Variants in ROBO2 observed in about 807,000 individuals in gnomAD.
ROBO2 encodes the protein roundabout homolog 2.
In ROBO2, 53 loss-of-function variants were observed where a neutral mutation model predicts 160.8. The observed-to-expected ratio is 0.33, with a 90% confidence interval of 0.26 to 0.41. The LOEUF is 0.41. ROBO2 is among the 10% of genes least tolerant of loss of function. The probability of loss-of-function intolerance (pLI) is 1.00; values close to 1 mark genes in which losing one functional copy is unlikely to be tolerated. For missense variants in ROBO2, 1,577 were observed against 1,722.4 expected (o/e 0.92, Z 1.49); for synonymous variants, 664 against 611.7 (o/e 1.09, Z -1.26).
intron 2 of ROBO2, among the ~76,000 whole-genome samples, chr3:76,546,093 G>A (rs568159576): frequency 9.3e-4 from 141 of 151,854 alleles, no homozygotes; most frequent in African/African-American, 3.4e-3. Flanking sequence ...GTATATAGAA[G>A]TTCCTTGGTA....
At chr3:76,377,836 A>G (rs976190300) in intron 2 of ROBO2, among the ~76,000 whole-genome samples, 14 of 152,146 alleles carry the variant, frequency 9.2e-5, no homozygotes, top group African/African-American at 2.9e-4. Flanking sequence ...TCCAAGAATC[A>G]TTGATAACCA....
chr3:76,627,157 C>T (rs774169012), intron 2 of ROBO2, among the ~76,000 whole-genome samples: 12 of 152,168 alleles, frequency 7.9e-5, no homozygotes, highest in Non-Finnish European at 1.5e-4. Context: ...CATAGATAAG[C>T]ACAGTTTGGT....
chr3:75,974,902 G>A (rs2065094943), intron 2 of ROBO2, among the ~76,000 whole-genome samples: 1 of 151,462 alleles, frequency 6.6e-6, no homozygotes, highest in Non-Finnish European at 1.5e-5. Context: ...AGAGATGTGT[G>A]TTTATACAGA....
intron 2 of ROBO2, among the ~76,000 whole-genome samples, chr3:76,958,342 C>T (rs1157941204): frequency 6.6e-6 from 1 of 152,170 alleles, no homozygotes; most frequent in Admixed American, 6.5e-5. Context: ...GAAATAAAAA[C>T]AGAACAGCCC....
intron 2 of ROBO2, among the ~76,000 whole-genome samples, chr3:76,503,610 A>G (rs2080604137): frequency 6.6e-6 from 1 of 152,244 alleles, no homozygotes; most frequent in African/African-American, 2.4e-5. Context: ...CCAATGGAGT[A>G]CTAGTCAGCC....
At chr3:76,259,711 A>AG (rs756663201) in intron 2 of ROBO2, among the ~76,000 whole-genome samples, 4 of 152,118 alleles carry the variant, frequency 2.6e-5, no homozygotes, top group Non-Finnish European at 5.9e-5. Context: ...TGGTTTCCTA[A>AG]GCTTTGGGCT....
chr3:76,647,644 T>C (rs996484363), intron 2 of ROBO2, among the ~76,000 whole-genome samples: 11 of 152,172 alleles, frequency 7.2e-5, no homozygotes, highest in African/African-American at 2.7e-4. Flanking sequence ...GCGGACTTAA[T>C]GGCTGTAATT....
intron 2 of ROBO2, among the ~76,000 whole-genome samples, chr3:76,167,148 C>T (rs2072867880): frequency 6.6e-6 from 1 of 152,050 alleles, no homozygotes; most frequent in African/African-American, 2.4e-5. Flanking sequence ...ACCATGTTGA[C>T]CAGGCTGATC....
intron 23 of ROBO2, chr3:77,632,885 G>A (rs1583413655): frequency 8.3e-6 from 3 of 360,338 alleles, no homozygotes; most frequent in Admixed American, 4.5e-5. Context: ...TTCTCTTCAC[G>A]GCTTTACTGA....
At chr3:76,230,089 C>T (rs2107464725) in intron 2 of ROBO2, among the ~76,000 whole-genome samples, 1 of 152,188 alleles carries the variant, frequency 6.6e-6, no homozygotes. Context: ...AAAATGATGC[C>T]ATCAGGTGTC....
chr3:76,195,783 T>C (rs1173525175), intron 2 of ROBO2, among the ~76,000 whole-genome samples: 1 of 152,166 alleles, frequency 6.6e-6, no homozygotes, highest in Non-Finnish European at 1.5e-5. Flanking sequence ...TCAGCAGCAT[T>C]TCCTAAGATA....
intron 2 of ROBO2, among the ~76,000 whole-genome samples, chr3:77,463,549 G>A (rs1379571122): frequency 6.6e-6 from 1 of 151,666 alleles, no homozygotes; most frequent in African/African-American, 2.4e-5. Context: ...TATGGGACAG[G>A]GTTATTGAAG....
intron 2 of ROBO2, among the ~76,000 whole-genome samples, chr3:76,713,384 A>C (rs2093331234): frequency 6.6e-6 from 1 of 152,100 alleles, no homozygotes; most frequent in South Asian, 2.1e-4. Context: ...ATGCATTTTA[A>C]AAAGATTTTT....
intron 2 of ROBO2, among the ~76,000 whole-genome samples, chr3:76,339,125 C>G (rs1297317740): frequency 6.6e-6 from 1 of 152,134 alleles, no homozygotes; most frequent in Non-Finnish European, 1.5e-5. Context: ...GTCCTTTAAA[C>G]TTATCTAAAT....
chr3:76,220,268 G>A (rs1269305632), intron 2 of ROBO2, among the ~76,000 whole-genome samples: 1 of 151,448 alleles, frequency 6.6e-6, no homozygotes, highest in African/African-American at 2.4e-5. Flanking sequence ...CATGGCACAT[G>A]TATACATATG....
At chr3:76,773,240 T>C (rs991323670) in intron 2 of ROBO2, among the ~76,000 whole-genome samples, 3 of 151,048 alleles carry the variant, frequency 2.0e-5, no homozygotes, top group Non-Finnish European at 4.5e-5. Flanking sequence ...TTTTTTTCTT[T>C]AGAAAGTTTA....
intron 2 of ROBO2, among the ~76,000 whole-genome samples, chr3:77,144,928 C>G (rs539344040): frequency 2.1e-4 from 31 of 149,564 alleles, no homozygotes; most frequent in African/African-American, 7.9e-4. Flanking sequence ...AGCTACTTCT[C>G]TCATCATTTT....
chr3:76,797,618 T>C (rs2063804054), intron 2 of ROBO2, among the ~76,000 whole-genome samples: 3 of 149,254 alleles, frequency 2.0e-5, no homozygotes, highest in South Asian at 2.1e-4. Flanking sequence ...AAAAAGACAA[T>C]ACAAAATGAA....
At chr3:76,660,904 A>G (rs1259306833) in intron 2 of ROBO2, among the ~76,000 whole-genome samples, 3 of 152,162 alleles carry the variant, frequency 2.0e-5, no homozygotes, top group Non-Finnish European at 4.4e-5. Flanking sequence ...TCTCTAATGT[A>G]TGTAGCCTAT....
Sources: gnomAD v4.1 joint callset for allele counts (sites outside exome capture counted in the v4.1 genomes callset) on GRCh38, gnomAD v4.1.1 for gene constraint, MANE v1.5 for transcripts, NCBI Gene and HGNC (gene_info 2026-07-23, HGNC 2026-07-21) for gene names.